POMZP3: variants seen among roughly 807,000 people sequenced by gnomAD.
The protein encoded by POMZP3 is POM121 and ZP3 fusion.
In POMZP3, 10 loss-of-function variants were observed where a neutral mutation model predicts 19.8. The observed-to-expected ratio is 0.51, with a 90% confidence interval of 0.31 to 0.86. The LOEUF (loss-of-function observed/expected upper bound fraction) is 0.86, where lower values mean the gene tolerates loss of function less well. Among genes scored for constraint, POMZP3 ranks in the 40% least tolerant of loss-of-function variants. The pLI, the probability that POMZP3 is intolerant of heterozygous loss-of-function variation, is 0.04. For missense variants in POMZP3, 152 were observed against 228.1 expected, an observed-to-expected ratio of 0.67 and a Z score of 2.15; for synonymous variants, 57 against 85.8, an observed-to-expected ratio of 0.66 and a Z score of 1.85.
In POMZP3 at chr7:76,626,268, A is replaced by T. The variant is rs1179853641; in HGVS notation, c.-151-53T>A. The T allele has an allele frequency of 3.4e-5, 50 of 1,468,480 alleles. 1 individual carries two copies. Among genetic ancestry groups the T allele is most frequent in the Non-Finnish European group, 4.2e-5 (46 of 1,084,012 alleles). The allele number at this position is 1,468,480 out of a possible 1,614,324, so 91.0% of individuals were successfully genotyped here. On this transcript the variant is annotated intron_variant, in intron 1 of 6. Transcript: ENST00000310842. ...AAACAAAGTATAAAAGAATGTCAAA[A>T]TTTTAGACGGTTAAAAACCCACCAG...
intron 4 of POMZP3, among the ~76,000 whole-genome samples, chr7:76,613,451 A>G (rs535572944): frequency 7.6e-6 from 1 of 131,530 alleles, no homozygotes; most frequent in African/African-American, 2.6e-5. Context: ...TGGGAGCTGA[A>G]GGACCCCCCC....
At chr7:76,620,733 G>A (rs1815507168) in intron 3 of POMZP3, among the ~76,000 whole-genome samples, 1 of 152,096 alleles carries the variant, frequency 6.6e-6, no homozygotes, top group South Asian at 2.1e-4. Context: ...CTCCCAAAGT[G>A]CAGGGATTAC....
chr7:76,611,279 TGA>T (rs1474019824), intron 6 of POMZP3, among the ~76,000 whole-genome samples, 173 bp downstream of exon 6: 1 of 151,830 alleles, frequency 6.6e-6, no homozygotes, highest in Non-Finnish European at 1.5e-5. Context: ...GGTGGAAGGC[TGA>T]GAGCCCCCTC....
rs745537336 is a variant in POMZP3, at chr7:76,625,627, G to A, written c.122C>T (p.Pro41Leu). The stretch of plus-strand genomic sequence containing the variant: ...ACTCAGTACAGTCTCCTTTGCACAT[G>A]GGTCTGGGGCATTACTTGATGGTGA... ...LSSPSSNAPD[P>L]CAKETVLSAL... The change falls in exon 3 of 7, where the codon CCA becomes CTA. Residue 41 changes from proline to leucine, a missense_variant. Physicochemically the swap from Pro to Leu is moderately conservative, Grantham distance 98. Around this residue, in one of 4 missense-constraint regions of POMZP3, gnomAD observed 70 missense variants for 64.1 expected, o/e 1.09. Transcript: ENST00000310842. The A allele has an allele frequency of 2.4e-5, 38 of 1,613,644 alleles. No individual in the cohort carries two copies. The Admixed American group carries it at 3.3e-4, about 14-fold the overall frequency.
chr7:76,618,848 C>T (rs1220231817), intron 3 of POMZP3, among the ~76,000 whole-genome samples: 2 of 151,632 alleles, frequency 1.3e-5, no homozygotes, highest in African/African-American at 2.4e-5. Context: ...AGTACAGTGG[C>T]GTGATCATAG....
At chr7:76,622,918 C>T (rs1169690705) in intron 3 of POMZP3, among the ~76,000 whole-genome samples, 16 of 151,358 alleles carry the variant, frequency 1.1e-4, no homozygotes, top group African/African-American at 1.9e-4. Flanking sequence ...GTTGCCCTGG[C>T]GAGAGTGCAG....
chr7:76,626,282 A>G, intron 1 of POMZP3, 67 bp from the exon 2 acceptor site: 1 of 1,377,984 alleles, frequency 7.3e-7, no homozygotes, highest in Non-Finnish European at 9.9e-7. Context: ...TAGACGGTTA[A>G]AAACCCACCA....
chr7:76,618,645 A>G (rs1815381531), intron 3 of POMZP3: 1 of 305,566 alleles, frequency 3.3e-6, no homozygotes, highest in African/African-American at 2.2e-5. Context: ...GGAACGTTCA[A>G]AATAGAGGGT....
chr7:76,618,849 G>A (rs1457132168), intron 3 of POMZP3, among the ~76,000 whole-genome samples: 1 of 151,436 alleles, frequency 6.6e-6, no homozygotes, highest in African/African-American at 2.4e-5. Context: ...GTACAGTGGC[G>A]TGATCATAGC....
rs1484332215 is a variant in POMZP3 at position 76,621,967 on chromosome 7, A to C, written c.227+3555T>G. Among the ~76,000 whole-genome samples, 3 of 114,978 alleles carry C rather than the reference A, an allele frequency of 2.6e-5. 1 individual carries two copies. Among genetic ancestry groups the C allele is most frequent in the Non-Finnish European group, 5.7e-5 (3 of 52,588 alleles). 75.4% of individuals were successfully genotyped at this position (114,978 alleles called of 152,430 possible). A position where few individuals can be genotyped will look rare whatever the true frequency, so the allele number is the denominator to read the frequency against. ...AATAAATAAATAAATAAATAAATAAATAAATAAAACAGGTTGCAGTGAAGA... is the reference window on the plus strand; with the variant it reads ...AATAAATAAATAAATAAATAAATAACTAAATAAAACAGGTTGCAGTGAAGA... On this transcript the variant is annotated intron_variant, in intron 3 of 6. Coordinates refer to ENST00000310842, the MANE Select transcript of POMZP3 (RefSeq NM_012230.5).
In POMZP3 at chr7:76,618,480, G is replaced by A. The variant is rs760061149; in HGVS notation, c.228-180C>T. 34 of 867,800 alleles carry A rather than the reference G, an allele frequency of 3.9e-5. No individual in the cohort carries two copies. The South Asian group carries it at 5.3e-4, about 14-fold the overall frequency. The allele number at this position is 867,800 out of a possible 1,614,324, so 53.8% of individuals were successfully genotyped here. ...CTACTAAAAATACAAAAATTAGCTG[G>A]GTGCAGCAGTGCACACCTGTAATCC... is the stretch of plus-strand genomic sequence containing the variant. On this transcript the variant is annotated intron_variant, in intron 3 of 6. Transcript: ENST00000310842.
At position 76,618,204 on chromosome 7, in the gene POMZP3, A is replaced by G. The variant is rs761651421; in HGVS notation, c.324T>C (p.Phe108=). ...TTACCATGTTTCTGGAGTCATTAGC[A>G]AAGTGGAAGACATCCACTGTGAACT... ...TLQFTVDVFH[F]ANDSRNMIYI... The change falls in exon 4 of 7, where the codon TTT becomes TTC. Residue 108 remains phenylalanine, a synonymous_variant. Coordinates refer to ENST00000310842, the MANE Select transcript of POMZP3 (RefSeq NM_012230.5). The G allele has an allele frequency of 1.9e-6, 3 of 1,611,938 alleles. No homozygotes were observed. The highest frequency in any genetic ancestry group is 2.5e-6 in the Non-Finnish European group (3 of 1,178,626).
At position 76,626,552 on chromosome 7, in the gene POMZP3, A is replaced by G. The variant is rs1326446667; in HGVS notation, c.-152+156T>C. ...ACATCTCACACCAAGCAAGAGTCAG[A>G]GGCCAGGAGACGGCTGGCACACACC... On this transcript the variant is annotated intron_variant, in intron 1 of 6. Transcript: ENST00000310842. 4.1e-5 allele frequency: 26 copies of G among 639,364 alleles called. 1 individual carries two copies. The South Asian group carries it at 5.9e-4, about 15-fold the overall frequency. 39.6% of individuals were successfully genotyped at this position (639,364 alleles called of 1,614,324 possible). A position where few individuals can be genotyped will look rare whatever the true frequency, so the allele number is the denominator to read the frequency against.
At chr7:76,622,471 C>G (rs1039843409) in intron 3 of POMZP3, among the ~76,000 whole-genome samples, 2 of 140,490 alleles carry the variant, frequency 1.4e-5, no homozygotes. Context: ...CTCCGCCCCA[C>G]AGGTTCAAGC....
chr7:76,610,499 A>AAAGTT lies in POMZP3; in HGVS notation c.*12-289_*12-285dup, dbSNP rs1815040168. Among the ~76,000 whole-genome samples, 4 of 151,866 alleles carry AAAGTT rather than the reference A, an allele frequency of 2.6e-5. 1 individual carries two copies. In the South Asian group the frequency reaches 8.3e-4, roughly 32 times the overall value. ...AAGACCCGTCTCTACTGAAAATAAA[A>AAAGTT]AAGTTAACTGGGCATGGTGGCACAT... On this transcript the variant is annotated intron_variant, in intron 6 of 6. Transcript: ENST00000310842.
At chr7:76,616,483 T>A (rs1815295105) in intron 4 of POMZP3, among the ~76,000 whole-genome samples, 1 of 101,420 alleles carries the variant, frequency 9.9e-6, no homozygotes, top group East Asian at 2.5e-4. Context: ...GAGCCAGCAC[T>A]GGAAACCCCT....
chr7:76,624,542 T>C (rs973324907), intron 3 of POMZP3, among the ~76,000 whole-genome samples: 1 of 151,266 alleles, frequency 6.6e-6, no homozygotes, highest in South Asian at 2.1e-4. Flanking sequence ...GCCTCCTGGG[T>C]TCAAGCAATT....
chr7:76,623,277 C>T (rs1172956175), intron 3 of POMZP3, among the ~76,000 whole-genome samples: 3 of 151,824 alleles, frequency 2.0e-5, no homozygotes, highest in African/African-American at 7.3e-5. Flanking sequence ...TCTTTAATGT[C>T]AGAAATCCTA....
intron 3 of POMZP3, among the ~76,000 whole-genome samples, chr7:76,622,888 T>G (rs1252157554): frequency 6.6e-6 from 1 of 151,968 alleles, no homozygotes; most frequent in Admixed American, 6.6e-5. Flanking sequence ...TTTTTTCTTT[T>G]TGAGTTGGGG....
Sources: gnomAD v4.1 joint callset for allele counts (sites outside exome capture counted in the v4.1 genomes callset) on GRCh38, gnomAD v4.1.1 for gene constraint, gnomAD v4.1.1 regional missense constraint, MANE v1.5 for transcripts, NCBI Gene and HGNC (gene_info 2026-07-23, HGNC 2026-07-21) for gene names.